The following CC2D2B variants were observed in gnomAD, a reference collection of about 807,000 sequenced individuals.
CC2D2B encodes coiled-coil and C2 domain containing 2B, also known as protein CC2D2B.
CC2D2B carries 128 observed loss-of-function variants against 161.2 expected under a neutral mutation model. The observed-to-expected ratio is 0.79, with a 90% confidence interval of 0.69 to 0.92. CC2D2B has a LOEUF of 0.92. CC2D2B is among the 40% of genes least tolerant of loss of function. The pLI is 0.00. For synonymous variants in CC2D2B, 391 were observed against 449.8 expected (o/e 0.87, Z 1.65); for missense variants, 1,173 against 1,375.1 (o/e 0.85, Z 2.32).
intron 16 of CC2D2B, 148 bp from the exon 17 acceptor site, chr10:95,973,861 C>T (rs988561188): frequency 3.8e-5 from 9 of 234,186 alleles, no homozygotes; most frequent in Non-Finnish European, 6.3e-5. Flanking sequence ...AACTCTGTCT[C>T]AAAAAAAAAA....
At chr10:96,027,457 A>G in intron 34 of CC2D2B, 68 bp downstream of exon 34, 2 of 1,141,214 alleles carry the variant, frequency 1.8e-6, no homozygotes, top group Non-Finnish European at 2.4e-6. Flanking sequence ...AAATAATAGC[A>G]GTCTTAAATA....
intron 32 of CC2D2B, 150 bp downstream of exon 32, chr10:96,019,974 C>A: frequency 1.6e-6 from 1 of 624,588 alleles, no homozygotes; most frequent in Non-Finnish European, 2.6e-6. Context: ...CTCTGCCATC[C>A]AGCTCACAGG....
intron 31 of CC2D2B, 79 bp downstream of exon 31, chr10:96,019,416 C>T: frequency 7.5e-7 from 1 of 1,335,860 alleles, no homozygotes. Context: ...ACCTGGGGAA[C>T]TTTAAATATA....
chr10:95,943,063 G>T (rs1346260656), intron 9 of CC2D2B, among the ~76,000 whole-genome samples: 1 of 151,720 alleles, frequency 6.6e-6, no homozygotes, highest in East Asian at 1.9e-4. Context: ...TCTTAGTTTC[G>T]ATTTCACTCC....
chr10:95,941,920 T>C (rs1431972862), intron 9 of CC2D2B, among the ~76,000 whole-genome samples: 4 of 152,202 alleles, frequency 2.6e-5, no homozygotes, highest in South Asian at 2.1e-4. Context: ...TTATTCACAA[T>C]AGCCAAGAGG....
intron 5 of CC2D2B, among the ~76,000 whole-genome samples, chr10:95,926,535 A>C (rs116804286): frequency 2.2e-3 from 332 of 151,536 alleles, no homozygotes; most frequent in African/African-American, 6.2e-3. Flanking sequence ...ATCTTATATA[A>C]AGTTATATCT....
intron 34 of CC2D2B, among the ~76,000 whole-genome samples, chr10:96,027,878 C>T (rs780627667): frequency 2.0e-4 from 30 of 152,138 alleles, no homozygotes; most frequent in Non-Finnish European, 4.0e-4. Flanking sequence ...CAAGAACATA[C>T]ACTGGGGAAA....
chr10:95,926,688 A>T (rs976067805), intron 5 of CC2D2B, among the ~76,000 whole-genome samples: 9 of 152,158 alleles, frequency 5.9e-5, no homozygotes, highest in Non-Finnish European at 1.0e-4. Context: ...GTGATTTATC[A>T]ATTCAAAGAG....
At chr10:95,950,617 A>G (rs1232585506) in intron 10 of CC2D2B, 1 of 152,128 alleles carries the variant, frequency 6.6e-6, no homozygotes, top group Non-Finnish European at 1.5e-5. Context: ...ATATATGAGC[A>G]TTTTGTTGAC....
intron 10 of CC2D2B, chr10:95,952,419 C>T (rs2076434615): frequency 6.6e-6 from 1 of 152,200 alleles, no homozygotes; most frequent in Non-Finnish European, 1.5e-5. Flanking sequence ...TCGTTCATCA[C>T]CTCATGGTTT....
chr10:96,018,642 G>A (rs938933402), intron 30 of CC2D2B: 1 of 152,310 alleles, frequency 6.6e-6, no homozygotes, highest in Non-Finnish European at 1.5e-5. Context: ...GACCATACAT[G>A]ACAGCACTGG....
intron 6 of CC2D2B, among the ~76,000 whole-genome samples, chr10:95,927,602 A>AC (rs1318565574): frequency 5.0e-5 from 6 of 120,602 alleles, no homozygotes; most frequent in African/African-American, 1.9e-4. Context: ...TTATCTTTAC[A>AC]GGTAACGAAA....
chr10:95,955,328 G>T (rs1731202263), intron 10 of CC2D2B, 66 bp from the exon 11 acceptor site: 2 of 396,616 alleles, frequency 5.0e-6, no homozygotes, highest in South Asian at 1.3e-4. Flanking sequence ...TTGACCTACA[G>T]GTGAACTGGA....
At chr10:96,003,255 T>C (rs1296522077) in intron 24 of CC2D2B, among the ~76,000 whole-genome samples, 1 of 151,542 alleles carries the variant, frequency 6.6e-6, no homozygotes, top group Non-Finnish European at 1.5e-5. Flanking sequence ...GAGCTGAGAG[T>C]GAAAGTTCAT....
intron 11 of CC2D2B, among the ~76,000 whole-genome samples, chr10:95,958,033 G>T (rs953437707): frequency 1.8e-4 from 27 of 149,130 alleles, no homozygotes; most frequent in African/African-American, 5.9e-4. Context: ...CAAAGGAAAA[G>T]AATAAATCAA....
chr10:95,980,024 C>T (rs1225627130), intron 17 of CC2D2B, among the ~76,000 whole-genome samples: 2 of 152,202 alleles, frequency 1.3e-5, no homozygotes, highest in Non-Finnish European at 2.9e-5. Flanking sequence ...CCATGCTATA[C>T]TTTGATTCTT....
intron 24 of CC2D2B, among the ~76,000 whole-genome samples, chr10:96,003,021 AATATATATAT>A (rs57187442): frequency 2.8e-5 from 4 of 140,708 alleles, no homozygotes; most frequent in South Asian, 4.4e-4. Flanking sequence ...AAAATAAATA[AATATATATAT>A]ATATATATAT....
At position 95,995,308 on chromosome 10, in the gene CC2D2B, T is replaced by G; in HGVS notation, c.2682T>G (p.Ser894=). 1.3e-6 allele frequency: 2 copies of G among 1,532,858 alleles called. No homozygotes were observed. Among genetic ancestry groups the G allele is most frequent in the Non-Finnish European group, 1.7e-6 (2 of 1,145,276 alleles). 95.0% of individuals were successfully genotyped at this position (1,532,858 alleles called of 1,614,324 possible). A position where few individuals can be genotyped will look rare whatever the true frequency, so the allele number is the denominator to read the frequency against. ...DMPTCLKSSI[S]CLRHRETIKS... is the part of the protein sequence containing the mutation. ...CTACTTGTTTGAAATCATCTATATCTTGCCTCAGACATAGAGAAACAATCA... is the reference window on the plus strand; with the variant it reads ...CTACTTGTTTGAAATCATCTATATCGTGCCTCAGACATAGAGAAACAATCA... The change falls in exon 23 of 35, where the codon TCT becomes TCG. Residue 894 remains serine, a synonymous_variant. Coordinates refer to ENST00000646931, the MANE Select transcript of CC2D2B (RefSeq NM_001349008.3).
At chr10:95,908,969 G>A (rs1008321645) in intron 1 of CC2D2B, among the ~76,000 whole-genome samples, 2 of 152,068 alleles carry the variant, frequency 1.3e-5, no homozygotes, top group Non-Finnish European at 2.9e-5. Flanking sequence ...TGTACCAGAA[G>A]TCCCAAGATA....
Sources: allele counts gnomAD v4.1 joint callset (sites outside exome capture counted in the v4.1 genomes callset), GRCh38; gene constraint gnomAD v4.1.1; transcripts MANE v1.5; gene names NCBI Gene and HGNC (gene_info 2026-07-23, HGNC 2026-07-21).